SHBG: variants seen among roughly 807,000 people sequenced by gnomAD.
SHBG encodes the protein sex hormone binding globulin, also known as sex hormone-binding globulin.
Under a neutral mutation model 41.9 loss-of-function variants are expected in SHBG, and 37 were observed. The ratio of observed to expected loss-of-function variants is 0.88; its 90% confidence interval spans 0.68 to 1.16. The LOEUF is 1.16. Among genes scored for constraint, SHBG ranks in the 50% most tolerant of loss-of-function variants. The pLI is 0.00. For missense variants in SHBG, 466 were observed against 499.9 expected (o/e 0.93, Z 0.65); for synonymous variants, 217 against 205.8 (o/e 1.05, Z -0.47).
At chr17:7,620,635 T>TG (rs2072074973) in intron 1 of SHBG, among the ~76,000 whole-genome samples, 2 of 151,824 alleles carry the variant, frequency 1.3e-5, no homozygotes, top group East Asian at 1.9e-4. Context: ...AATTTTTTTT[T>TG]TTGTTTTTTT....
At chr17:7,631,049 T>C in intron 3 of SHBG, 151 bp from the exon 4 acceptor site, 1 of 945,068 alleles carries the variant, frequency 1.1e-6, no homozygotes, top group South Asian at 1.7e-5. Flanking sequence ...TCAGTCAGTA[T>C]ATAAGTGACA....
chr17:7,626,171 G>T, upstream of SHBG: 1 of 310,880 alleles, frequency 3.2e-6, no homozygotes, highest in Non-Finnish European at 5.9e-6. Flanking sequence ...TCCAGCGTGC[G>T]CGACAGAGAC....
At chr17:7,617,552 A>T (rs1567757758) in intron 1 of SHBG, among the ~76,000 whole-genome samples, 1 of 151,894 alleles carries the variant, frequency 6.6e-6, no homozygotes, top group Non-Finnish European at 1.5e-5. Flanking sequence ...GCAGTGAGCC[A>T]AGATTGTGCC....
At chr17:7,623,625 T>A (rs2072138311), upstream of SHBG, among the ~76,000 whole-genome samples, 1 of 152,128 alleles carries the variant, frequency 6.6e-6, no homozygotes, top group Non-Finnish European at 1.5e-5. Context: ...GCTCGGCTAA[T>A]GTTTTTGTAT....
At chr17:7,628,105 T>C (rs1243557465), upstream of SHBG, 3 of 464,012 alleles carry the variant, frequency 6.5e-6, no homozygotes, top group South Asian at 4.6e-5. Context: ...ACATATGCAG[T>C]GATAACCTGC....
At chr17:7,627,286 C>G, upstream of SHBG, 1 of 1,612,040 alleles carries the variant, frequency 6.2e-7, no homozygotes, top group Non-Finnish European at 8.5e-7. The surrounding 1 kb of genome is among the most constrained non-coding windows in gnomAD (Gnocchi z 4.8). Flanking sequence ...GTATGCCCAG[C>G]CTGGAGCTGT....
At chr17:7,627,774 G>A (rs1463089053), upstream of SHBG, 1 of 956,466 alleles carries the variant, frequency 1.0e-6, no homozygotes. The surrounding 1 kb of genome is among the most constrained non-coding windows in gnomAD (Gnocchi z 4.8). Flanking sequence ...CGGGGTAGCC[G>A]CGGCCTGGTA....
upstream of SHBG, among the ~76,000 whole-genome samples, chr17:7,626,053 G>A (rs2072195193): frequency 6.7e-6 from 1 of 150,326 alleles, no homozygotes; most frequent in Non-Finnish European, 1.5e-5. Context: ...AATTAGCCGG[G>A]CATGGTGGTG....
chr17:7,625,272 A>G (rs1156515335), upstream of SHBG, among the ~76,000 whole-genome samples: 1 of 151,662 alleles, frequency 6.6e-6, no homozygotes, highest in East Asian at 1.9e-4. Flanking sequence ...TGTAGGGCAT[A>G]CCAGATTGAA....
chr17:7,632,980 AG>A (rs781451748), intron 7 of SHBG, 21 bp downstream of exon 7: 1 of 1,600,504 alleles, frequency 6.2e-7, no homozygotes, highest in Admixed American at 1.7e-5. Flanking sequence ...ATGATGTTCA[AG>A]TTCATGAGCA....
intron 4 of SHBG, 63 bp from the exon 5 acceptor site, chr17:7,631,526 C>A (rs981597763): frequency 6.9e-6 from 11 of 1,595,690 alleles, no homozygotes; most frequent in East Asian, 2.2e-5. Flanking sequence ...GCAGGGAGGT[C>A]GGGACTGCGG....
At chr17:7,620,012 G>A (rs1015282666) in intron 1 of SHBG, among the ~76,000 whole-genome samples, 2 of 151,890 alleles carry the variant, frequency 1.3e-5, no homozygotes, top group African/African-American at 2.4e-5. Flanking sequence ...GATCAGTTAA[G>A]GCCAGAAGTT....
At chr17:7,632,180 T>G in intron 6 of SHBG, 165 bp downstream of exon 6, 4 of 761,686 alleles carry the variant, frequency 5.3e-6, no homozygotes, top group Non-Finnish European at 8.8e-6. Flanking sequence ...GGCATGGTGG[T>G]GCTTGCCTGT....
chr17:7,626,558 C>G, upstream of SHBG: 2 of 1,614,240 alleles, frequency 1.2e-6, no homozygotes, highest in Middle Eastern at 1.6e-4. Context: ...CCATGGCCCT[C>G]TGGTTCCAGT....
At chr17:7,631,784 C>A (rs2150969582) in intron 5 of SHBG, 36 bp downstream of exon 5, 1 of 1,613,296 alleles carries the variant, frequency 6.2e-7, no homozygotes, top group East Asian at 2.2e-5. Context: ...CCCACCCTGG[C>A]CAGCTCAGCC....
At chr17:7,623,687 T>C (rs2072139353), upstream of SHBG, among the ~76,000 whole-genome samples, 1 of 152,186 alleles carries the variant, frequency 6.6e-6, no homozygotes, top group African/African-American at 2.4e-5. Context: ...CTTGAACTCT[T>C]GGACTCTATT....
chr17:7,623,264 G>A (rs1239583956), upstream of SHBG, among the ~76,000 whole-genome samples: 1 of 152,114 alleles, frequency 6.6e-6, no homozygotes, highest in Non-Finnish European at 1.5e-5. Flanking sequence ...AGTGGCGCAT[G>A]CCTGTAATCC....
At chr17:7,621,763 A>T (rs2150958068) in intron 1 of SHBG, among the ~76,000 whole-genome samples, 1 of 152,086 alleles carries the variant, frequency 6.6e-6, no homozygotes, top group Admixed American at 6.6e-5. Flanking sequence ...GGAGACCAGT[A>T]AGGAGGTTGT....
chr17:7,627,457 C>A (rs73979514), upstream of SHBG: 1,549 of 1,609,384 alleles, frequency 9.6e-4, 17 homozygotes, highest in African/African-American at 0.018. This position sits in a 1 kb window ranked among gnomAD's most constrained non-coding sequence, Gnocchi z 4.8. Context: ...AGAAGGGCCC[C>A]GCTGCTCCCC....
Sources: gnomAD v4.1 joint callset for allele counts (sites outside exome capture counted in the v4.1 genomes callset) on GRCh38, gnomAD v4.1.1 for gene constraint, Gnocchi (gnomAD v3.1) non-coding constraint, MANE v1.5 for transcripts, NCBI Gene and HGNC (gene_info 2026-07-23, HGNC 2026-07-21) for gene names.